The following MRPL36 variants were observed in gnomAD, a reference collection of about 807,000 sequenced individuals.
MRPL36 encodes large ribosomal subunit protein bL36m.
MRPL36 carries 1 observed loss-of-function variant against 2.8 expected under a neutral mutation model. That is an observed-to-expected ratio of 0.36 (90% CI 0.13 to 1.69). MRPL36 has a LOEUF of 1.69. Ranked by LOEUF, MRPL36 falls within the 40% of genes most tolerant of loss-of-function variation. The pLI is 0.35. For synonymous variants in MRPL36, 68 were observed against 54.8 expected, an observed-to-expected ratio of 1.24 and a Z score of -1.06; for missense variants, 148 against 132.7, an observed-to-expected ratio of 1.12 and a Z score of -0.57.
chr5:1,798,887 T>G lies in MRPL36; in HGVS notation c.49A>C (p.Ser17Arg), dbSNP rs114776273. ...RKMVNPLLYL[S>R]RHTVKPRALS... is the part of the protein sequence containing the mutation. ...GCTCGAGGCTTCACCGTGTGACGAC[T>G]GAGATAGAGCAGAGGGTTCACCATT... Residue 17 changes from serine (S) to arginine (R), a missense_variant, in exon 2 of 2, where the codon AGT becomes CGT. Transcript: ENST00000505059. 32,066 of 1,611,132 alleles carry G rather than the reference T, an allele frequency of 0.02. 407 individuals are homozygous for G. Among genetic ancestry groups the G allele is most frequent in the Non-Finnish European group, 0.022 (26,025 of 1,177,558 alleles).
upstream of MRPL36, chr5:1,801,382 G>C: frequency 6.2e-7 from 1 of 1,601,374 alleles, no homozygotes; most frequent in Non-Finnish European, 8.5e-7. Context: ...AGCGCTAAGC[G>C]GGACGTTGCG....
chr5:1,800,480 C>T (rs779110513), upstream of MRPL36, among the ~76,000 whole-genome samples: 6 of 152,160 alleles, frequency 3.9e-5, no homozygotes, highest in Admixed American at 3.9e-4. Flanking sequence ...TTCCACCTGA[C>T]CCGGCGAACA....
upstream of MRPL36, chr5:1,801,269 G>C (rs1734028204): frequency 4.1e-6 from 5 of 1,214,142 alleles, no homozygotes; most frequent in Admixed American, 2.8e-5. Flanking sequence ...ACCTGAATCA[G>C]AGAGCAGCTC....
chr5:1,801,328 A>G, upstream of MRPL36: 2 of 1,527,012 alleles, frequency 1.3e-6, no homozygotes, highest in Non-Finnish European at 1.8e-6. Flanking sequence ...AGGGCGAAAT[A>G]AATACCGGGT....
chr5:1,798,603 G>A lies in MRPL36; in HGVS notation c.*21C>T, dbSNP rs1250626395. The A allele has an allele frequency of 3.1e-6, 5 of 1,587,668 alleles. No homozygotes were observed. In the East Asian group the frequency reaches 6.8e-5, roughly 22 times the overall value. ...AAGTGATGCGATGACGAGTATGTGC[G>A]TGACTCTGGAGGGAAAGGGTCTACA... On this transcript the variant is annotated 3_prime_UTR_variant, in exon 2 of 2. Coordinates refer to ENST00000505059, the MANE Select transcript of MRPL36 (RefSeq NM_032479.4).
rs1733931335 is a variant in MRPL36 at position 1,798,854 on chromosome 5, T to G, written c.82A>C (p.Thr28Pro). 5 of 1,613,744 alleles carry G rather than the reference T, an allele frequency of 3.1e-6. No homozygotes were observed. The highest frequency in any genetic ancestry group is 4.2e-6 in the Non-Finnish European group (5 of 1,179,746). The part of the protein sequence containing the change: ...RHTVKPRALS[T>P]FLFGSIRGAA... ...CCTCGAATGGATCCAAATAGAAATG[T>G]GGAGAGGGCTCGAGGCTTCACCGTG... Residue 28 changes from threonine (T) to proline (P), a missense_variant, in exon 2 of 2, where the codon ACA becomes CCA. Coordinates refer to ENST00000505059, the MANE Select transcript of MRPL36 (RefSeq NM_032479.4).
At chr5:1,800,521 A>G (rs1012595605), upstream of MRPL36, among the ~76,000 whole-genome samples, 1 of 152,132 alleles carries the variant, frequency 6.6e-6, no homozygotes, top group African/African-American at 2.4e-5. Flanking sequence ...TATCAGCTCC[A>G]GGACAAATCT....
Position 1,798,908 on chromosome 5 carries a change from C to T in MRPL36, c.28G>A (p.Val10Met). The T allele has an allele frequency of 6.3e-7, 1 of 1,595,416 alleles. No individual in the cohort carries two copies. Among genetic ancestry groups the T allele is most frequent in the Non-Finnish European group, 8.6e-7 (1 of 1,166,056 alleles). Residue 10 changes from valine (V) to methionine (M), a missense_variant, in exon 2 of 2, where the codon GTG becomes ATG. By Grantham distance (21) the Val-to-Met change is conservative. Transcript: ENST00000505059. ...CGACTGAGATAGAGCAGAGGGTTCA[C>T]CATTTTCCTTATAAAAAGATTTGCC... MANLFIRKM[V>M]NPLLYLSRHT... is the part of the protein sequence containing the mutation.
Position 1,798,700 on chromosome 5 carries a change from C to G in MRPL36, c.236G>C (p.Cys79Ser). The G allele has an allele frequency of 1.2e-6, 2 of 1,613,938 alleles. No homozygotes were observed. Among genetic ancestry groups the G allele is most frequent in the African/African-American group, 2.7e-5 (2 of 75,014 alleles). ...CCGACCCCGCCTCTTCACCAGGTAA[C>G]AGTCCTTGCAGCGCTTCTTAAGGAC... ...KTVLKKRCKD[C>S]YLVKRRGRWY... The change falls in exon 2 of 2, where the codon TGT becomes TCT. Residue 79 changes from cysteine (C) to serine (S), a missense_variant. Transcript: ENST00000505059.
At chr5:1,800,760 G>T (rs1734013240), upstream of MRPL36, among the ~76,000 whole-genome samples, 1 of 152,192 alleles carries the variant, frequency 6.6e-6, no homozygotes, top group Non-Finnish European at 1.5e-5. Context: ...AGCAAAACGG[G>T]CCTTTTTAGA....
chr5:1,800,496 C>T (rs145298654), upstream of MRPL36, among the ~76,000 whole-genome samples: 3 of 152,308 alleles, frequency 2.0e-5, no homozygotes, highest in East Asian at 5.8e-4. Context: ...GAACACCGGG[C>T]GGGCCGCTGG....
At chr5:1,799,149 G>C in intron 1 of MRPL36, 1 of 512,444 alleles carries the variant, frequency 2.0e-6, no homozygotes, top group East Asian at 3.1e-5. Context: ...AGGGGCAGTG[G>C]ACGGTGGCTT....
At chr5:1,800,971 C>T (rs2111342451), upstream of MRPL36, among the ~76,000 whole-genome samples, 1 of 152,322 alleles carries the variant, frequency 6.6e-6, no homozygotes, top group Non-Finnish European at 1.5e-5. Context: ...TCATGATTAT[C>T]GGTTACCATA....
At chr5:1,801,235 T>C, upstream of MRPL36, 1 of 851,806 alleles carries the variant, frequency 1.2e-6, no homozygotes, top group East Asian at 2.7e-5. Flanking sequence ...TTTAGCGAGA[T>C]ACCTGGGATG....
Position 1,798,922 on chromosome 5 carries a change from A to T in MRPL36, c.14T>A (p.Phe5Tyr). 1 of 1,591,370 alleles carries T rather than the reference A, an allele frequency of 6.3e-7. No homozygotes were observed. ...CAGAGGGTTCACCATTTTCCTTATA[A>T]AAAGATTTGCCATGTTGTGGTGAAT... is the stretch of plus-strand genomic sequence containing the variant. MANL[F>Y]IRKMVNPLLY... Residue 5 changes from phenylalanine (F) to tyrosine (Y), a missense_variant, in exon 2 of 2, where the codon TTT (phenylalanine) becomes TAT (tyrosine). Transcript: ENST00000505059.
At chr5:1,801,061 C>T (rs900173861), upstream of MRPL36, among the ~76,000 whole-genome samples, 1 of 152,258 alleles carries the variant, frequency 6.6e-6, no homozygotes, top group Non-Finnish European at 1.5e-5. Flanking sequence ...CTCCTAATCG[C>T]TGAAGGTTTC....
upstream of MRPL36, chr5:1,801,398 T>G: frequency 6.2e-7 from 1 of 1,603,782 alleles, no homozygotes; most frequent in Non-Finnish European, 8.5e-7. Flanking sequence ...TTGCGCCGGG[T>G]CAAAGGCCAG....
Position 1,798,672 on chromosome 5 carries a change from C to A in MRPL36, c.264G>T (p.Trp88Cys), listed in dbSNP as rs1481722747. 6.2e-7 allele frequency: 1 copy of A among 1,613,816 alleles called. No homozygotes were observed. Among genetic ancestry groups the A allele is most frequent in the South Asian group, 1.1e-5 (1 of 91,074 alleles). The change falls in exon 2 of 2, where the codon TGG (tryptophan) becomes TGT (cysteine). Residue 88 changes from tryptophan to cysteine, a missense_variant. By Grantham distance (215) the Trp-to-Cys change is radical. Transcript: ENST00000505059. ...TCGGATGGGTTTTACAGTAGACGTA[C>A]CACCGACCCCGCCTCTTCACCAGGT... ...DCYLVKRRGR[W>C]YVYCKTHPRH... is the part of the protein sequence containing the mutation.
At position 1,798,682 on chromosome 5, in the gene MRPL36, C is replaced by T. The variant is rs1428360506; in HGVS notation, c.254G>A (p.Arg85Gln). The change falls in exon 2 of 2, where the codon CGG (arginine) becomes CAG (glutamine). Residue 85 changes from arginine to glutamine, a missense_variant. Transcript: ENST00000505059. ...TTTACAGTAGACGTACCACCGACCCCGCCTCTTCACCAGGTAACAGTCCTT... is the reference window on the plus strand; with the variant it reads ...TTTACAGTAGACGTACCACCGACCCTGCCTCTTCACCAGGTAACAGTCCTT... ...RCKDCYLVKR[R>Q]GRWYVYCKTH... The T allele has an allele frequency of 6.2e-6, 10 of 1,613,742 alleles. No individual in the cohort carries two copies. Among genetic ancestry groups the T allele is most frequent in the African/African-American group, 4.0e-5 (3 of 74,884 alleles).
Sources: allele counts gnomAD v4.1 joint callset (sites outside exome capture counted in the v4.1 genomes callset), GRCh38; gene constraint gnomAD v4.1.1; transcripts MANE v1.5; gene names NCBI Gene and HGNC (gene_info 2026-07-23, HGNC 2026-07-21).